The following HPSE2 variants were observed in gnomAD, a reference collection of about 807,000 sequenced individuals.
HPSE2 encodes inactive heparanase-2.
In HPSE2, 38 loss-of-function variants were observed where a neutral mutation model predicts 60.5. That is an observed-to-expected ratio of 0.63 (90% confidence interval 0.48 to 0.82). The LOEUF is 0.82. HPSE2 is among the 40% of genes least tolerant of loss of function. The pLI, the probability that HPSE2 is intolerant of heterozygous loss-of-function variation, is 0.00. For missense variants in HPSE2, 713 were observed against 740.4 expected, an observed-to-expected ratio of 0.96 and a Z score of 0.43; for synonymous variants, 295 against 293.2, an observed-to-expected ratio of 1.01 and a Z score of -0.06.
chr10:99,214,747 GA>G (rs1003002041), intron 2 of HPSE2, among the ~76,000 whole-genome samples: 33 of 145,348 alleles, frequency 2.3e-4, no homozygotes, highest in African/African-American at 3.5e-4. Flanking sequence ...AAATTTACAA[GA>G]AAAAAAAAAC....
At chr10:99,039,476 T>C (rs1957685804) in intron 3 of HPSE2, among the ~76,000 whole-genome samples, 1 of 151,568 alleles carries the variant, frequency 6.6e-6, no homozygotes. Flanking sequence ...TGTAAAGTCC[T>C]TTAAAAATGA....
At chr10:98,911,499 G>C (rs1953978158) in intron 3 of HPSE2, among the ~76,000 whole-genome samples, 1 of 152,168 alleles carries the variant, frequency 6.6e-6, no homozygotes, top group South Asian at 2.1e-4. Context: ...GGCAGGTATG[G>C]AGTGTGTTCT....
intron 3 of HPSE2, among the ~76,000 whole-genome samples, chr10:99,093,934 CTAT>C (rs1259171684): frequency 1.3e-5 from 2 of 152,166 alleles, no homozygotes; most frequent in Non-Finnish European, 2.9e-5. Context: ...CAAACACATA[CTAT>C]GTGTATAGAT....
intron 2 of HPSE2, among the ~76,000 whole-genome samples, chr10:99,168,742 G>C (rs529244991): frequency 6.6e-6 from 1 of 152,134 alleles, no homozygotes; most frequent in African/African-American, 2.4e-5. Context: ...ACAGTTCTTG[G>C]CATTATTGTG....
At chr10:98,553,643 C>T (rs1190180322) in intron 9 of HPSE2, among the ~76,000 whole-genome samples, 1 of 152,226 alleles carries the variant, frequency 6.6e-6, no homozygotes, top group Non-Finnish European at 1.5e-5. Flanking sequence ...TGCCATCCCA[C>T]TGCTCAAGCG....
At position 98,931,101 on chromosome 10, in the gene HPSE2, G is replaced by A. The variant is rs193121423; in HGVS notation, c.611-187045C>T. Among the ~76,000 whole-genome samples the A allele has an allele frequency of 1.4e-3, 201 of 143,730 alleles. 20 individuals carry two copies. Among genetic ancestry groups the A allele is most frequent in the Non-Finnish European group, 2.0e-3 (131 of 67,052 alleles). 94.3% of individuals were successfully genotyped at this position (143,730 alleles called of 152,430 possible). ...TTCTTCTAGGGTTTTTATGGTTTTC[G>A]GTTTTACATTTAAGTCTTTAATCCA... On this transcript the variant is annotated intron_variant, in intron 3 of 11. Transcript: ENST00000370552.
chr10:98,752,004 T>G (rs1949769149), intron 3 of HPSE2, among the ~76,000 whole-genome samples: 1 of 152,256 alleles, frequency 6.6e-6, no homozygotes, highest in Admixed American at 6.5e-5. Flanking sequence ...TCTGTTCTTT[T>G]TAAACACAAT....
intron 3 of HPSE2, among the ~76,000 whole-genome samples, chr10:98,811,465 G>T (rs1008563416): frequency 1.3e-5 from 2 of 152,062 alleles, no homozygotes; most frequent in Non-Finnish European, 2.9e-5. Flanking sequence ...AGAAATAAAT[G>T]AATGAAGACT....
chr10:99,244,316 C>T, the HPSE2 span, among the ~76,000 whole-genome samples: 1 of 151,876 alleles, frequency 6.6e-6, no homozygotes, highest in African/African-American at 2.4e-5. Context: ...CACGCCCGGC[C>T]TACAACGGTA....
intron 3 of HPSE2, among the ~76,000 whole-genome samples, chr10:99,100,261 G>A (rs1284497887): frequency 6.6e-6 from 1 of 152,074 alleles, no homozygotes; most frequent in Non-Finnish European, 1.5e-5. Flanking sequence ...TTAGATGAAT[G>A]GCTTACTAGA....
At position 98,859,499 on chromosome 10, in the gene HPSE2, C is replaced by T. The variant is rs528397814; in HGVS notation, c.611-115443G>A. Among the ~76,000 whole-genome samples, 9 of 152,180 alleles carry T rather than the reference C, an allele frequency of 5.9e-5. No homozygotes were observed. In the South Asian group the frequency reaches 1.9e-3, roughly 32 times the overall value. On this transcript the variant is annotated intron_variant, in intron 3 of 11. Coordinates refer to ENST00000370552, the MANE Select transcript of HPSE2 (RefSeq NM_021828.5). ...AGGCATCATCTAATCCTTTGAGAGCCCAAATAGTATAAAAAGTGGAGAAGT... is the reference window on the plus strand; with the variant it reads ...AGGCATCATCTAATCCTTTGAGAGCTCAAATAGTATAAAAAGTGGAGAAGT...
At chr10:98,823,573 C>T (rs557286949) in intron 3 of HPSE2, among the ~76,000 whole-genome samples, 6 of 152,262 alleles carry the variant, frequency 3.9e-5, no homozygotes, top group African/African-American at 1.2e-4. Flanking sequence ...ATGCAGTGAG[C>T]TATGATCATG....
the HPSE2 span, among the ~76,000 whole-genome samples, chr10:99,276,704 G>A: frequency 1.3e-5 from 2 of 152,074 alleles, no homozygotes; most frequent in Non-Finnish European, 2.9e-5. Flanking sequence ...TGCAGAGGTT[G>A]TTAAATCAGG....
intron 3 of HPSE2, among the ~76,000 whole-genome samples, chr10:98,794,494 C>T (rs1211623341): frequency 6.6e-6 from 1 of 152,296 alleles, no homozygotes; most frequent in South Asian, 2.1e-4. Context: ...ACCCACCTGC[C>T]TTGGCCTCCC....
intron 3 of HPSE2, among the ~76,000 whole-genome samples, chr10:98,792,471 C>A (rs1277521762): frequency 6.6e-6 from 1 of 152,080 alleles, no homozygotes; most frequent in Admixed American, 6.5e-5. Context: ...ACACTTCAAA[C>A]CTGCTTTGTG....
intron 9 of HPSE2, among the ~76,000 whole-genome samples, chr10:98,574,661 G>T (rs962706836): frequency 2.0e-5 from 3 of 149,062 alleles, no homozygotes; most frequent in Non-Finnish European, 4.5e-5. Context: ...CAAAGCCCAG[G>T]GAGCAGTGAT....
chr10:99,060,387 A>G (rs1405554621), intron 3 of HPSE2, among the ~76,000 whole-genome samples: 1 of 152,146 alleles, frequency 6.6e-6, no homozygotes, highest in Non-Finnish European at 1.5e-5. Flanking sequence ...GGCTGGGCGC[A>G]GTGGCTCATG....
intron 4 of HPSE2, among the ~76,000 whole-genome samples, chr10:98,726,411 C>T (rs146094751): frequency 0.15 from 21,777 of 147,852 alleles, 1,933 homozygotes; most frequent in Admixed American, 0.23. Context: ...CGCATGTTCT[C>T]ACTCACAGGT....
intron 6 of HPSE2, among the ~76,000 whole-genome samples, chr10:98,683,494 T>C (rs1001933033): frequency 3.3e-5 from 5 of 151,252 alleles, no homozygotes; most frequent in African/African-American, 9.7e-5. Flanking sequence ...AGAGAGAAAA[T>C]AGAAGGCATT....
Sources: allele counts gnomAD v4.1 joint callset (sites outside exome capture counted in the v4.1 genomes callset), GRCh38; gene constraint gnomAD v4.1.1; transcripts MANE v1.5; gene names NCBI Gene and HGNC (gene_info 2026-07-23, HGNC 2026-07-21).